Variants in GABRB3 observed in about 807,000 individuals in gnomAD.
The protein encoded by GABRB3 is gamma-aminobutyric acid receptor subunit beta-3.
GABRB3 carries 14 observed loss-of-function variants against 52.1 expected under a neutral mutation model. That is an observed-to-expected ratio of 0.27 (90% CI 0.18 to 0.42). GABRB3 has a LOEUF of 0.42. Among genes scored for constraint, GABRB3 ranks in the 10% least tolerant of loss-of-function variants. The pLI, the probability that GABRB3 is intolerant of heterozygous loss-of-function variation, is 1.00. For missense variants in GABRB3, 307 were observed against 609.1 expected (o/e 0.50, Z 5.22); for synonymous variants, 260 against 232.3 (o/e 1.12, Z -1.08).
intron 3 of GABRB3, among the ~76,000 whole-genome samples, chr15:26,653,136 TA>T (rs1401956356): frequency 6.6e-6 from 1 of 152,160 alleles, no homozygotes; most frequent in Non-Finnish European, 1.5e-5. Flanking sequence ...AACTTTAAAA[TA>T]AGATGGATAA....
intron 3 of GABRB3, among the ~76,000 whole-genome samples, chr15:26,690,106 AT>A (rs56143305): frequency 4.7e-4 from 65 of 137,458 alleles, no homozygotes; most frequent in African/African-American, 7.2e-4. Context: ...AGGTACACGG[AT>A]TTTTTTTTTT....
rs1448536768 is a variant in GABRB3, at chr15:26,547,097, CAA to C, written c.*694_*695del. On this transcript the variant is annotated 3_prime_UTR_variant, in exon 9 of 9. Transcript: ENST00000311550. ...ATGCCATTCACTCCCGATGAGTTTT[CAA>C]AAGACGGTCGTTCAGACATCAACGT... 18 of 157,344 alleles carry C rather than the reference CAA, an allele frequency of 1.1e-4. No individual in the cohort carries two copies. Among genetic ancestry groups the C allele is most frequent in the Non-Finnish European group, 1.8e-4 (13 of 71,806 alleles). 9.7% of individuals were successfully genotyped at this position (157,344 alleles called of 1,614,324 possible). A position where few individuals can be genotyped will look rare whatever the true frequency, so the allele number is the denominator to read the frequency against.
intron 3 of GABRB3, among the ~76,000 whole-genome samples, chr15:26,695,114 GAACT>G (rs966721333): frequency 3.3e-5 from 5 of 151,944 alleles, no homozygotes; most frequent in Non-Finnish European, 7.4e-5. Context: ...AGAAAGACAG[GAACT>G]TAAGAAATAG....
At position 26,750,770 on chromosome 15, in the gene GABRB3, T is replaced by TA. The variant is rs573813936; in HGVS notation, c.240+21631dup. Among the ~76,000 whole-genome samples, 92 of 152,236 alleles carry TA rather than the reference T, an allele frequency of 6.0e-4. 3 individuals are homozygous for TA. The South Asian group carries it at 0.017, about 28-fold the overall frequency. On this transcript the variant is annotated intron_variant, in intron 3 of 8. Coordinates refer to ENST00000311550, the MANE Select transcript of GABRB3 (RefSeq NM_000814.6). ...AAACTGCCAGAGATATGAAAGCCTG[T>TA]AAAAAAACCTGTGATGCAGGCTAGA...
At chr15:26,714,273 A>G (rs923485832) in intron 3 of GABRB3, among the ~76,000 whole-genome samples, 10 of 152,226 alleles carry the variant, frequency 6.6e-5, no homozygotes, top group Non-Finnish European at 1.5e-4. Flanking sequence ...TGCCTGAACT[A>G]TAACAATGCC....
At chr15:26,660,499 A>C (rs1159201717) in intron 3 of GABRB3, among the ~76,000 whole-genome samples, 1 of 152,220 alleles carries the variant, frequency 6.6e-6, no homozygotes, top group Non-Finnish European at 1.5e-5. Context: ...ATTTAGAATG[A>C]AAAGCAACTG....
chr15:26,572,099 T>G (rs1167486707), intron 6 of GABRB3, among the ~76,000 whole-genome samples: 1 of 150,718 alleles, frequency 6.6e-6, no homozygotes, highest in African/African-American at 2.4e-5. Context: ...AGCAAAATGT[T>G]CCGGTATCCG....
intron 3 of GABRB3, among the ~76,000 whole-genome samples, chr15:26,693,471 G>T (rs1475597813): frequency 6.6e-6 from 1 of 151,462 alleles, no homozygotes; most frequent in East Asian, 2.0e-4. Flanking sequence ...AGTTCCACCA[G>T]AGCGGTATTT....
chr15:26,606,805 T>TATAGATAGATAGATATATTG, intron 4 of GABRB3, among the ~76,000 whole-genome samples: 1 of 118,052 alleles, frequency 8.5e-6, no homozygotes, highest in African/African-American at 2.8e-5. Context: ...TAGATATATC[T>TATAGATAGATAGATATATTG]ATAGATAGAT....
rs112387367 is a variant in GABRB3 at position 26,547,203 on chromosome 15, G to A, written c.*590C>T. Reference sequence around the variant, plus strand: ...CAGCCACTAAACCATTGCAGAAAACGTATGCCCGATGAAAACAAACCCCAT... The same window carrying A: ...CAGCCACTAAACCATTGCAGAAAACATATGCCCGATGAAAACAAACCCCAT... On this transcript the variant is annotated 3_prime_UTR_variant, in exon 9 of 9. Coordinates refer to ENST00000311550, the MANE Select transcript of GABRB3 (RefSeq NM_000814.6). 4,375 of 241,316 alleles carry A rather than the reference G, an allele frequency of 0.018. 206 individuals carry two copies. Among genetic ancestry groups the A allele is most frequent in the African/African-American group, 0.091 (4,092 of 45,008 alleles). The allele number at this position is 241,316 out of a possible 1,614,324, so 14.9% of individuals were successfully genotyped here. A position where few individuals can be genotyped will look rare whatever the true frequency, so the allele number is the denominator to read the frequency against.
Position 26,695,606 on chromosome 15 carries a change from GA to G in GABRB3, c.241-74073del, listed in dbSNP as rs540634549. ...ATTGTTAAAAGAAGTTCTTCAGAGA[GA>G]AAAAAAATTTACATAGGTCAGGAAC... On this transcript the variant is annotated intron_variant, in intron 3 of 8. Transcript: ENST00000311550. Among the ~76,000 whole-genome samples the G allele has an allele frequency of 6.6e-5, 10 of 151,558 alleles. No individual in the cohort carries two copies. In the East Asian group the frequency reaches 1.5e-3, roughly 23 times the overall value.
chr15:26,554,869 G>C (rs975528166), intron 8 of GABRB3, among the ~76,000 whole-genome samples: 1 of 152,058 alleles, frequency 6.6e-6, no homozygotes, highest in African/African-American at 2.4e-5. Context: ...GCAGATAAGT[G>C]GTAGGCAAAA....
intron 4 of GABRB3, chr15:26,615,401 T>A: frequency 1.0e-6 from 1 of 985,880 alleles, no homozygotes; most frequent in Middle Eastern, 5.2e-4. Context: ...CAGTTCACCG[T>A]CATATTCAGC....
intron 3 of GABRB3, among the ~76,000 whole-genome samples, chr15:26,753,616 G>A (rs910751959): frequency 3.9e-5 from 6 of 152,214 alleles, no homozygotes; most frequent in Non-Finnish European, 8.8e-5. Flanking sequence ...TCAACCGTTA[G>A]AGGCAGTGCA....
chr15:26,624,742 T>C (rs1892620656), intron 3 of GABRB3: 3 of 985,074 alleles, frequency 3.0e-6, no homozygotes, highest in Non-Finnish European at 3.6e-6. Context: ...ATCAGTGTCC[T>C]CCTTTTTTTC....
chr15:26,561,143 T>C lies in GABRB3; in HGVS notation c.869A>G (p.Asn290Ser). The change falls in exon 8 of 9, where the codon AAC becomes AGC. Residue 290 changes from asparagine to serine, a missense_variant. This residue lies in a region of GABRB3 where 32 missense variants were observed against 147.8 expected (regional missense o/e 0.22). Transcript: ENST00000311550. The stretch of plus-strand genomic sequence containing the variant: ...GGGCAAGGTCTCCCGAAGGTGGGTG[T>C]TGATGGTTGTCATTGTCAGCACAGT... Reference protein sequence around the residue: ...ITTVLTMTTINTHLRETLPKI... With the variant: ...ITTVLTMTTISTHLRETLPKI... 1 of 1,614,166 alleles carries C rather than the reference T, an allele frequency of 6.2e-7. No individual in the cohort carries two copies. Among genetic ancestry groups the C allele is most frequent in the Non-Finnish European group, 8.5e-7 (1 of 1,180,040 alleles).
intron 3 of GABRB3, among the ~76,000 whole-genome samples, chr15:26,626,081 G>A (rs1892682094): frequency 6.6e-6 from 1 of 152,072 alleles, no homozygotes; most frequent in Admixed American, 6.5e-5. Context: ...TCATGTCTCT[G>A]GGTCATATTT....
At chr15:26,649,209 A>C (rs1261606780) in intron 3 of GABRB3, among the ~76,000 whole-genome samples, 1 of 152,142 alleles carries the variant, frequency 6.6e-6, no homozygotes, top group East Asian at 1.9e-4. Flanking sequence ...GGGGACTTTC[A>C]AGGTGATTAG....
Position 26,547,211 on chromosome 15 carries a change from G to A in GABRB3, c.*582C>T, listed in dbSNP as rs890897258. ...AAACCATTGCAGAAAACGTATGCCC[G>A]ATGAAAACAAACCCCATCACCAGAG... On this transcript the variant is annotated 3_prime_UTR_variant, in exon 9 of 9. Coordinates refer to ENST00000311550, the MANE Select transcript of GABRB3 (RefSeq NM_000814.6). 48 of 256,254 alleles carry A rather than the reference G, an allele frequency of 1.9e-4. No homozygotes were observed. The highest frequency in any genetic ancestry group is 9.7e-4 in the African/African-American group (44 of 45,428). The allele number at this position is 256,254 out of a possible 1,614,324, so 15.9% of individuals were successfully genotyped here.
Sources: gnomAD v4.1 joint callset for allele counts (sites outside exome capture counted in the v4.1 genomes callset) on GRCh38, gnomAD v4.1.1 for gene constraint, gnomAD v4.1.1 regional missense constraint, MANE v1.5 for transcripts, NCBI Gene and HGNC (gene_info 2026-07-23, HGNC 2026-07-21) for gene names.